Variants in LRBA observed in about 807,000 individuals in gnomAD.
LRBA encodes lipopolysaccharide-responsive and beige-like anchor protein.
A neutral mutation model predicts 330.0 loss-of-function variants in LRBA; 176 were observed. The ratio of observed to expected loss-of-function variants is 0.53; its 90% CI spans 0.47 to 0.60. The LOEUF is 0.60. LRBA is among the 20% of genes least tolerant of loss of function. The pLI, the probability that LRBA is intolerant of heterozygous loss-of-function variation, is 0.00. For missense variants in LRBA, 3,259 were observed against 3,444.8 expected, an observed-to-expected ratio of 0.95 and a Z score of 1.35; for synonymous variants, 1,230 against 1,193.0, an observed-to-expected ratio of 1.03 and a Z score of -0.64.
In LRBA at chr4:150,827,377, G is replaced by A. The variant is rs115485210; in HGVS notation, c.5171+803C>T. Among the ~76,000 whole-genome samples, 435 of 152,182 alleles carry A rather than the reference G, an allele frequency of 2.9e-3. 3 individuals are homozygous for A. Among genetic ancestry groups the A allele is most frequent in the African/African-American group, 0.01 (422 of 41,540 alleles). On this transcript the variant is annotated intron_variant, in intron 30 of 56. Transcript: ENST00000651943. ...AAAAAGGTCAGAAAGAAATTCCAGT[G>A]CATTTCTGTAAATTTACACCAAGTG...
chr4:150,643,205 T>C (rs1000077493), intron 37 of LRBA, among the ~76,000 whole-genome samples: 1 of 151,846 alleles, frequency 6.6e-6, no homozygotes, highest in Non-Finnish European at 1.5e-5. Context: ...TTTAGGAAAA[T>C]GCAGACCATT....
In LRBA at chr4:150,467,795, A is replaced by G; in HGVS notation, c.6668-10T>C. The G allele has an allele frequency of 8.1e-7, 1 of 1,234,028 alleles. No individual in the cohort carries two copies. Among genetic ancestry groups the G allele is most frequent in the Non-Finnish European group, 1.2e-6 (1 of 860,116 alleles). 76.4% of individuals were successfully genotyped at this position (1,234,028 alleles called of 1,614,324 possible). On this transcript the variant is annotated splice_polypyrimidine_tract_variant and intron_variant, in intron 43 of 56. Coordinates refer to ENST00000651943, the MANE Select transcript of LRBA (RefSeq NM_001364905.1). ...TCATTATAACTCCGTCCTGATAGGGAAAAAAGTTACTCGTAATTTATAATT... is the reference window on the plus strand; with the variant it reads ...TCATTATAACTCCGTCCTGATAGGGGAAAAAGTTACTCGTAATTTATAATT...
intron 37 of LRBA, among the ~76,000 whole-genome samples, chr4:150,626,798 G>A (rs1776905333): frequency 6.6e-6 from 1 of 152,042 alleles, no homozygotes; most frequent in South Asian, 2.1e-4. Context: ...AGAAGAGCAA[G>A]AAAACCTTAA....
At chr4:150,493,076 G>T (rs894483601) in intron 40 of LRBA, among the ~76,000 whole-genome samples, 2 of 152,104 alleles carry the variant, frequency 1.3e-5, no homozygotes, top group African/African-American at 4.8e-5. Flanking sequence ...AACCCCCTAG[G>T]CTCACATGAT....
chr4:150,726,823 G>A (rs62346303), intron 36 of LRBA, among the ~76,000 whole-genome samples: 13,440 of 151,836 alleles, frequency 0.089, 1,026 homozygotes, highest in African/African-American at 0.22. Flanking sequence ...GATTTGGATG[G>A]GGACACAGAG....
intron 17 of LRBA, among the ~76,000 whole-genome samples, chr4:150,875,549 C>T (rs976205363): frequency 6.6e-6 from 1 of 152,208 alleles, no homozygotes; most frequent in Admixed American, 6.5e-5. Flanking sequence ...TTACTCATAA[C>T]TGCCATCCAA....
At chr4:150,670,234 T>C (rs6842028) in intron 37 of LRBA, among the ~76,000 whole-genome samples, 5,067 of 152,312 alleles carry the variant, frequency 0.033, 234 homozygotes, top group African/African-American at 0.11. Flanking sequence ...TCTACATCTA[T>C]TAATCTTTTT....
chr4:150,535,685 A>C (rs528345179), intron 40 of LRBA, among the ~76,000 whole-genome samples: 2 of 152,316 alleles, frequency 1.3e-5, no homozygotes, highest in African/African-American at 4.8e-5. Context: ...ACTTTTTAAA[A>C]TTGAAGATAG....
At chr4:150,608,041 A>T (rs1478160762) in intron 37 of LRBA, among the ~76,000 whole-genome samples, 1 of 151,926 alleles carries the variant, frequency 6.6e-6, no homozygotes, top group Non-Finnish European at 1.5e-5. Context: ...TCTCAGGAAG[A>T]AAAAAGAAAA....
intron 35 of LRBA, among the ~76,000 whole-genome samples, chr4:150,749,128 GACCTAA>G (rs1426253467): frequency 6.6e-6 from 1 of 151,866 alleles, no homozygotes; most frequent in African/African-American, 2.4e-5. Flanking sequence ...ATGGATCAAA[GACCTAA>G]ATGTAAGAGT....
intron 40 of LRBA, among the ~76,000 whole-genome samples, chr4:150,546,940 A>C (rs1403060014): frequency 6.6e-6 from 1 of 152,106 alleles, no homozygotes; most frequent in African/African-American, 2.4e-5. Flanking sequence ...TAAAGTAAAA[A>C]CTCAACTGAT....
At chr4:150,502,913 C>A (rs1033658200) in intron 40 of LRBA, among the ~76,000 whole-genome samples, 8 of 152,244 alleles carry the variant, frequency 5.3e-5, no homozygotes, top group Non-Finnish European at 1.2e-4. Flanking sequence ...ATATCCCGCA[C>A]CTGACTCAGA....
intron 47 of LRBA, among the ~76,000 whole-genome samples, chr4:150,399,671 G>C (rs934835566): frequency 6.6e-6 from 1 of 152,124 alleles, no homozygotes; most frequent in South Asian, 2.1e-4. Context: ...GTTGAAGAGT[G>C]GATAGAGGTA....
chr4:150,746,542 G>A (rs935799224), intron 35 of LRBA, among the ~76,000 whole-genome samples: 2 of 135,368 alleles, frequency 1.5e-5, no homozygotes, highest in African/African-American at 5.7e-5. Flanking sequence ...ACAGAGTCTC[G>A]CTCCATCGCC....
At chr4:150,953,161 A>T (rs962867512) in intron 2 of LRBA, among the ~76,000 whole-genome samples, 1 of 152,226 alleles carries the variant, frequency 6.6e-6, no homozygotes, top group Non-Finnish European at 1.5e-5. Context: ...TAACTAAATT[A>T]AAATTAGGGT....
intron 2 of LRBA, among the ~76,000 whole-genome samples, chr4:150,996,211 A>AT (rs1742629630): frequency 6.6e-6 from 1 of 152,174 alleles, no homozygotes; most frequent in South Asian, 2.1e-4. Flanking sequence ...TCCTATGACA[A>AT]TGAGAATTTA....
At chr4:150,412,596 C>T (rs1747159310) in intron 47 of LRBA, among the ~76,000 whole-genome samples, 1 of 152,050 alleles carries the variant, frequency 6.6e-6, no homozygotes, top group Non-Finnish European at 1.5e-5. Context: ...TGGTGAAAAA[C>T]TTAATATATA....
rs917913846 is a variant in LRBA, at chr4:150,467,603, T to C, written c.6780+70A>G. The C allele has an allele frequency of 1.2e-5, 12 of 970,056 alleles. No homozygotes were observed. In the African/African-American group the frequency reaches 1.7e-4, roughly 13 times the overall value. The allele number at this position is 970,056 out of a possible 1,614,324, so 60.1% of individuals were successfully genotyped here. A position where few individuals can be genotyped will look rare whatever the true frequency, so the allele number is the denominator to read the frequency against. On this transcript the variant is annotated intron_variant, in intron 44 of 56. Transcript: ENST00000651943. ...AAAAAAATTTTTAAGTTAAGTAAAA[T>C]AACGAAAGACAATCCAATTTATTTT...
At chr4:150,338,157 CACTA>C (rs1734992766) in intron 48 of LRBA, among the ~76,000 whole-genome samples, 1 of 152,102 alleles carries the variant, frequency 6.6e-6, no homozygotes, top group Admixed American at 6.6e-5. Flanking sequence ...CAACCACTGA[CACTA>C]AACACAACTT....
Sources: allele counts gnomAD v4.1 joint callset (sites outside exome capture counted in the v4.1 genomes callset), GRCh38; gene constraint gnomAD v4.1.1; transcripts MANE v1.5; gene names NCBI Gene and HGNC (gene_info 2026-07-23, HGNC 2026-07-21).